Variants in TMEM272 observed in about 807,000 individuals in gnomAD.
The protein encoded by TMEM272 is long intergenic non-protein coding RNA 282.
In TMEM272, 8 loss-of-function variants were observed where a neutral mutation model predicts 3.7. That is an observed-to-expected ratio of 2.17 (90% CI 1.27 to 3.91). The LOEUF (loss-of-function observed/expected upper bound fraction) is 3.91. Among genes scored for constraint, TMEM272 ranks in the 30% most tolerant of loss-of-function variants. The probability of loss-of-function intolerance (pLI) is 0.00; values close to 1 mark genes in which losing one functional copy is unlikely to be tolerated. For synonymous variants in TMEM272, 63 were observed against 39.8 expected, an observed-to-expected ratio of 1.58 and a Z score of -2.20; for missense variants, 166 against 91.5, an observed-to-expected ratio of 1.81 and a Z score of -3.32.
the TMEM272 span, among the ~76,000 whole-genome samples, chr13:51,900,725 G>A: frequency 5.9e-5 from 9 of 152,090 alleles, no homozygotes; most frequent in Middle Eastern, 3.2e-3. Context: ...ATCCATCAAC[G>A]AATGAGTGGA....
chr13:51,838,525 T>G lies in TMEM272; in HGVS notation c.6A>C (p.Pro2=). Residue 2 remains proline (P), a synonymous_variant, in exon 2 of 5, where the codon CCA becomes CCC. Coordinates refer to ENST00000629372, the MANE Select transcript of TMEM272 (RefSeq NM_001351003.2). M[P]GGLEKTCHQC... is the part of the protein sequence containing the mutation. Reference sequence around the variant, plus strand: ...GATGACACGTTTTCTCCAGACCTCCTGGCATTGTTCTTGCTCGCTGACAAA... The same window carrying G: ...GATGACACGTTTTCTCCAGACCTCCGGGCATTGTTCTTGCTCGCTGACAAA... The G allele has an allele frequency of 7.1e-6, 5 of 703,094 alleles. No homozygotes were observed. The highest frequency in any genetic ancestry group is 7.8e-6 in the Non-Finnish European group (3 of 385,012). The allele number at this position is 703,094 out of a possible 1,614,324, so 43.6% of individuals were successfully genotyped here.
At position 51,839,597 on chromosome 13, in the gene TMEM272, A is replaced by G. The variant is rs973276205; in HGVS notation, c.-23-1044T>C. On this transcript the variant is annotated intron_variant, in intron 1 of 4. Transcript: ENST00000629372. ...AGGGGTTTGCAAACCAAGGGACCAC[A>G]GCATTTTAGCAGCACTACCTGCAGG... 2.6e-5 allele frequency among the ~76,000 whole-genome samples: 4 copies of G among 152,348 alleles called. No homozygotes were observed. The East Asian group carries it at 5.8e-4, about 22-fold the overall frequency.
the TMEM272 span, among the ~76,000 whole-genome samples, chr13:51,922,086 T>C: frequency 1.3e-5 from 2 of 152,230 alleles, no homozygotes; most frequent in African/African-American, 4.8e-5. Context: ...CCCTGGCCTC[T>C]TGAGCAGGGA....
the TMEM272 span, among the ~76,000 whole-genome samples, chr13:51,894,697 T>C: frequency 0.06 from 9,195 of 152,096 alleles, 341 homozygotes; most frequent in Middle Eastern, 0.11. Flanking sequence ...GTCCCCAACG[T>C]TTTTGGCACC....
rs1023793830 is a variant in TMEM272, at chr13:51,816,174, C to T, written c.*577G>A. On this transcript the variant is annotated 3_prime_UTR_variant, in exon 5 of 5. Coordinates refer to ENST00000629372, the MANE Select transcript of TMEM272 (RefSeq NM_001351003.2). ...GCTGACCTTGGGATGTTCCACCCAT[C>T]ACGTCAAACCTATCTGATATAGGGC... The T allele has an allele frequency of 6.5e-6, 1 of 153,280 alleles. No homozygotes were observed. Among genetic ancestry groups the T allele is most frequent in the Non-Finnish European group, 1.5e-5 (1 of 68,776 alleles). 9.5% of individuals were successfully genotyped at this position (153,280 alleles called of 1,614,324 possible).
chr13:51,848,640 A>C (rs529130905), upstream of TMEM272, among the ~76,000 whole-genome samples: 1 of 152,318 alleles, frequency 6.6e-6, no homozygotes, highest in Admixed American at 6.5e-5. Flanking sequence ...CACGTGCCTG[A>C]GTTTAATTAC....
At chr13:51,875,530 T>C in the TMEM272 span, among the ~76,000 whole-genome samples, 1 of 152,132 alleles carries the variant, frequency 6.6e-6, no homozygotes, top group Non-Finnish European at 1.5e-5. Flanking sequence ...TTACCACACA[T>C]GACACATGAC....
At chr13:51,918,454 GA>G in the TMEM272 span, among the ~76,000 whole-genome samples, 1 of 152,086 alleles carries the variant, frequency 6.6e-6, no homozygotes, top group South Asian at 2.1e-4. Flanking sequence ...AAATAAAAAA[GA>G]GAAAAAGAAA....
chr13:51,893,729 G>A, the TMEM272 span, among the ~76,000 whole-genome samples: 6 of 152,204 alleles, frequency 3.9e-5, no homozygotes, highest in East Asian at 1.2e-3. Flanking sequence ...AGTTGCTTCT[G>A]CGTTTGGGAA....
chr13:51,882,144 C>G, the TMEM272 span, among the ~76,000 whole-genome samples: 1 of 152,234 alleles, frequency 6.6e-6, no homozygotes, highest in African/African-American at 2.4e-5. Context: ...AAATTAGCCA[C>G]TCATTTATTC....
chr13:51,890,523 C>A, the TMEM272 span, among the ~76,000 whole-genome samples: 2 of 152,334 alleles, frequency 1.3e-5, no homozygotes, highest in East Asian at 3.9e-4. Context: ...TGGCATCATG[C>A]TTCTTGTACA....
the TMEM272 span, among the ~76,000 whole-genome samples, chr13:51,881,977 T>C: frequency 6.6e-6 from 1 of 152,230 alleles, no homozygotes; most frequent in Non-Finnish European, 1.5e-5. Context: ...TGGATTAGCA[T>C]TTAATCTATT....
At chr13:51,882,828 T>C in the TMEM272 span, among the ~76,000 whole-genome samples, 4 of 152,314 alleles carry the variant, frequency 2.6e-5, no homozygotes, top group South Asian at 4.1e-4. Flanking sequence ...ACAGGATTCC[T>C]TGGAGTGCTG....
chr13:51,905,829 T>C, the TMEM272 span, among the ~76,000 whole-genome samples: 1 of 152,202 alleles, frequency 6.6e-6, no homozygotes, highest in South Asian at 2.1e-4. Flanking sequence ...CATGGTTCTA[T>C]GATGGAGAGC....
chr13:51,871,096 C>T, the TMEM272 span, among the ~76,000 whole-genome samples: 1 of 152,080 alleles, frequency 6.6e-6, no homozygotes, highest in Non-Finnish European at 1.5e-5. Flanking sequence ...AGTGATTCTC[C>T]CCCTCTGGTA....
the TMEM272 span, among the ~76,000 whole-genome samples, chr13:51,869,357 T>C: frequency 2.0e-5 from 3 of 152,338 alleles, no homozygotes; most frequent in East Asian, 5.8e-4. Context: ...GACGTCGTGC[T>C]ATCAAGAATT....
chr13:51,889,205 T>C, the TMEM272 span, among the ~76,000 whole-genome samples: 4 of 152,228 alleles, frequency 2.6e-5, no homozygotes, highest in Non-Finnish European at 4.4e-5. Flanking sequence ...TTAATAGATA[T>C]TGCCAAATTG....
upstream of TMEM272, among the ~76,000 whole-genome samples, chr13:51,850,160 G>C (rs542748222): frequency 7.5e-4 from 114 of 152,308 alleles, 1 homozygote; most frequent in Admixed American, 5.1e-3. Flanking sequence ...ATTGCATTAA[G>C]TTTATACACA....
At chr13:51,883,801 T>G in the TMEM272 span, among the ~76,000 whole-genome samples, 4 of 152,184 alleles carry the variant, frequency 2.6e-5, no homozygotes, top group African/African-American at 7.2e-5. Context: ...ATGATGACAC[T>G]TGAATTGTGC....
Sources: allele counts gnomAD v4.1 joint callset (sites outside exome capture counted in the v4.1 genomes callset), GRCh38; gene constraint gnomAD v4.1.1; transcripts MANE v1.5; gene names NCBI Gene and HGNC (gene_info 2026-07-23, HGNC 2026-07-21).